The following ANAPC1 variants were observed in gnomAD, a reference collection of about 807,000 sequenced individuals.
ANAPC1 encodes the protein anaphase-promoting complex subunit 1.
ANAPC1 carries 36 observed loss-of-function variants against 208.0 expected under a neutral mutation model. That is an observed-to-expected ratio of 0.17 (90% confidence interval 0.13 to 0.23). The LOEUF (loss-of-function observed/expected upper bound fraction) is 0.23. ANAPC1 is among the 10% of genes least tolerant of loss of function. The pLI is 1.00. For synonymous variants in ANAPC1, 378 were observed against 695.2 expected (o/e 0.54, Z 7.18); for missense variants, 942 against 2,011.6 (o/e 0.47, Z 10.17).
At position 111,880,806 on chromosome 2, in the gene ANAPC1, T is replaced by C; in HGVS notation, c.20A>G (p.Glu7Gly). The stretch of plus-strand genomic sequence containing the variant: ...CCTTGCTGCAATCATCGTTGTCCTT[T>C]CTTCATAGAAGTTCGACATGGGTTC... MSNFYE[E>G]RTTMIAARDL... is the part of the protein sequence containing the mutation. Residue 7 changes from glutamate (E) to glycine (G), a missense_variant, in exon 2 of 48, where the codon GAA becomes GGA. By Grantham distance (98) the Glu-to-Gly change is moderately conservative. Transcript: ENST00000341068. 6.2e-7 allele frequency: 1 copy of C among 1,613,884 alleles called. No homozygotes were observed. Among genetic ancestry groups the C allele is most frequent in the Non-Finnish European group, 8.5e-7 (1 of 1,179,862 alleles).
At chr2:111,777,719 T>C (rs1677065189) in intron 45 of ANAPC1, among the ~76,000 whole-genome samples, 1 of 152,028 alleles carries the variant, frequency 6.6e-6, no homozygotes, top group Admixed American at 6.6e-5. Context: ...CTGGGCCTAC[T>C]TAGTTATATT....
chr2:111,873,435 T>C (rs565360101), intron 4 of ANAPC1, 27 bp from the exon 5 acceptor site: 3 of 1,598,320 alleles, frequency 1.9e-6, no homozygotes, highest in African/African-American at 1.3e-5. Flanking sequence ...CAACAAGACT[T>C]ATGTGTTTTT....
Position 111,850,989 on chromosome 2 carries a change from T to C in ANAPC1, c.1516-79A>G. ...TCCTTAAATAAAATGTTAAGGAATA[T>C]AAACATATATTTCTTTTGATATTTC... On this transcript the variant is annotated intron_variant, in intron 13 of 47. Transcript: ENST00000341068. 3.4e-6 allele frequency: 5 copies of C among 1,460,158 alleles called. No individual in the cohort carries two copies. In the South Asian group the frequency reaches 4.2e-5, roughly 12 times the overall value. 90.5% of individuals were successfully genotyped at this position (1,460,158 alleles called of 1,614,324 possible).
Position 111,878,924 on chromosome 2 carries a change from C to T in ANAPC1, c.261G>A (p.Val87=). 1 of 1,586,818 alleles carries T rather than the reference C, an allele frequency of 6.3e-7. No individual in the cohort carries two copies. Among genetic ancestry groups the T allele is most frequent in the Non-Finnish European group, 8.5e-7 (1 of 1,172,324 alleles). ...RKGVSEIGED[V]DYDEELYVAG... ...CAACATAGAGTTCCTCATCATAGTC[C>T]ACATCTTCTCCAATTTCACTTACTC... The change falls in exon 3 of 48, where the codon GTG becomes GTA. Residue 87 remains valine, a synonymous_variant. Coordinates refer to ENST00000341068, the MANE Select transcript of ANAPC1 (RefSeq NM_022662.4).
intron 24 of ANAPC1, among the ~76,000 whole-genome samples, chr2:111,823,000 C>CTTTTTTTTT (rs58815496): frequency 7.3e-4 from 45 of 61,308 alleles, no homozygotes; most frequent in Non-Finnish European, 9.4e-4. Context: ...TCTTTTTATT[C>CTTTTTTTTT]TTTTTTTTTT....
chr2:111,831,976 T>G (rs553282820), intron 20 of ANAPC1, among the ~76,000 whole-genome samples: 58 of 148,000 alleles, frequency 3.9e-4, no homozygotes, highest in Middle Eastern at 6.9e-3. Context: ...TTTAGCAAAT[T>G]CTTGTTCCCA....
chr2:111,771,810 G>C (rs551983040), intron 47 of ANAPC1, among the ~76,000 whole-genome samples: 27 of 151,584 alleles, frequency 1.8e-4, no homozygotes, highest in African/African-American at 6.5e-4. Context: ...CAAAAAAATT[G>C]GGTGCTTAGA....
chr2:111,819,673 CAG>C (rs1438121313), intron 26 of ANAPC1, among the ~76,000 whole-genome samples: 2 of 149,340 alleles, frequency 1.3e-5, no homozygotes, highest in Non-Finnish European at 3.0e-5. Flanking sequence ...AAAAAACTAA[CAG>C]AAATTTTGGA....
chr2:111,858,296 A>G lies in ANAPC1; in HGVS notation c.1358+10T>C, dbSNP rs1681847495. Reference sequence around the variant, plus strand: ...TTTATACAGAAACAATGGGAAAGACATACACCTACCGTAACTGGAGCTGGG... The same window carrying G: ...TTTATACAGAAACAATGGGAAAGACGTACACCTACCGTAACTGGAGCTGGG... On this transcript the variant is annotated intron_variant, in intron 11 of 47. Coordinates refer to ENST00000341068, the MANE Select transcript of ANAPC1 (RefSeq NM_022662.4). 1.2e-6 allele frequency: 2 copies of G among 1,605,522 alleles called. No homozygotes were observed. Among genetic ancestry groups the G allele is most frequent in the African/African-American group, 1.3e-5 (1 of 74,720 alleles).
intron 17 of ANAPC1, among the ~76,000 whole-genome samples, chr2:111,839,631 G>A (rs1049428593): frequency 5.3e-5 from 8 of 152,252 alleles, no homozygotes; most frequent in Non-Finnish European, 1.0e-4. Flanking sequence ...CTTGTGAAGC[G>A]TTCAAATAAA....
chr2:111,845,038 G>C (rs938997063), intron 16 of ANAPC1, among the ~76,000 whole-genome samples: 3 of 152,120 alleles, frequency 2.0e-5, no homozygotes, highest in Non-Finnish European at 4.4e-5. Context: ...TGTAGAGACA[G>C]AGTCTCACTA....
At chr2:111,832,835 G>A (rs1383449992) in intron 20 of ANAPC1, among the ~76,000 whole-genome samples, 1 of 150,846 alleles carries the variant, frequency 6.6e-6, no homozygotes, top group Non-Finnish European at 1.5e-5. Flanking sequence ...GAGGCCAGGA[G>A]GCTGAGGCAG....
intron 16 of ANAPC1, 28 bp from the exon 17 acceptor site, chr2:111,843,627 A>G (rs757278450): frequency 2.5e-6 from 4 of 1,568,882 alleles, no homozygotes; most frequent in Non-Finnish European, 3.5e-6. Flanking sequence ...TAATTTTAGT[A>G]TTCTTACTCT....
At position 111,824,956 on chromosome 2, in the gene ANAPC1, A is replaced by C. The variant is rs751991270; in HGVS notation, c.2812+10T>G. ...ACGGCCTAGTTAGGAGGTAACAAAG[A>C]AGCTCTCACCTACATTAGTCATCCA... On this transcript the variant is annotated intron_variant, in intron 24 of 47. Transcript: ENST00000341068. 24 of 1,613,734 alleles carry C rather than the reference A, an allele frequency of 1.5e-5. No homozygotes were observed. The Admixed American group carries it at 2.5e-4, about 17-fold the overall frequency.
chr2:111,862,642 C>T (rs1290500898), intron 9 of ANAPC1, 44 bp from the exon 10 acceptor site: 2 of 1,591,398 alleles, frequency 1.3e-6, no homozygotes, highest in Non-Finnish European at 1.7e-6. Flanking sequence ...GTTAGCAAGG[C>T]AGGCTTATAT....
chr2:111,827,337 C>T (rs905517997), intron 21 of ANAPC1, among the ~76,000 whole-genome samples: 3 of 152,062 alleles, frequency 2.0e-5, no homozygotes, highest in African/African-American at 7.2e-5. Flanking sequence ...AATGAGAAAA[C>T]ATACATAAAG....
chr2:111,806,229 A>AT (rs1353641856), intron 29 of ANAPC1, among the ~76,000 whole-genome samples: 105 of 96,838 alleles, frequency 1.1e-3, no homozygotes, highest in Non-Finnish European at 1.9e-3. Flanking sequence ...AAAAAGTTTT[A>AT]TTTTTTTGTT....
chr2:111,823,570 T>A (rs1266889141), intron 24 of ANAPC1, among the ~76,000 whole-genome samples: 2 of 152,156 alleles, frequency 1.3e-5, no homozygotes, highest in African/African-American at 4.8e-5. Flanking sequence ...AATTAAATTA[T>A]GATATGTTCA....
chr2:111,804,388 G>C (rs1458205928), intron 30 of ANAPC1, among the ~76,000 whole-genome samples: 1 of 105,688 alleles, frequency 9.5e-6, no homozygotes, highest in African/African-American at 3.6e-5. Context: ...TATAAAACAC[G>C]GCCATCTGGC....
Sources: allele counts gnomAD v4.1 joint callset (sites outside exome capture counted in the v4.1 genomes callset), GRCh38; gene constraint gnomAD v4.1.1; transcripts MANE v1.5; gene names NCBI Gene and HGNC (gene_info 2026-07-23, HGNC 2026-07-21).